The following FBXO34 variants were observed in gnomAD, a reference collection of about 807,000 sequenced individuals.
The protein encoded by FBXO34 is F-box protein 34.
Under a neutral mutation model 24.5 loss-of-function variants are expected in FBXO34, and 12 were observed. The ratio of observed to expected loss-of-function variants is 0.49; its 90% CI spans 0.31 to 0.79. The LOEUF is 0.79. Among genes scored for constraint, FBXO34 ranks in the 30% least tolerant of loss-of-function variants. The pLI is 0.04. For missense variants in FBXO34, 823 were observed against 857.7 expected (o/e 0.96, Z 0.51); for synonymous variants, 320 against 311.9 (o/e 1.03, Z -0.27).
At chr14:55,400,203 A>G in the FBXO34 span, among the ~76,000 whole-genome samples, 3 of 152,232 alleles carry the variant, frequency 2.0e-5, no homozygotes, top group East Asian at 5.8e-4. Context: ...CCACTCACAG[A>G]AGGAGATAAA....
chr14:55,427,698 G>A, the FBXO34 span, among the ~76,000 whole-genome samples: 1 of 151,974 alleles, frequency 6.6e-6, no homozygotes, highest in African/African-American at 2.4e-5. Flanking sequence ...GGATGGGAGA[G>A]CCACCAAAAC....
chr14:55,361,266 G>A (rs1884591875), intron 3 of FBXO34, among the ~76,000 whole-genome samples: 1 of 152,192 alleles, frequency 6.6e-6, no homozygotes, highest in Non-Finnish European at 1.5e-5. Flanking sequence ...ATCTCCATCA[G>A]AGCTCTTGGA....
At chr14:55,313,732 A>G (rs1431970038) in intron 1 of FBXO34, among the ~76,000 whole-genome samples, 1 of 152,162 alleles carries the variant, frequency 6.6e-6, no homozygotes, top group East Asian at 1.9e-4. Flanking sequence ...CAAAACCATC[A>G]GATCTCGTGA....
chr14:55,415,295 T>G, the FBXO34 span, among the ~76,000 whole-genome samples: 1 of 152,174 alleles, frequency 6.6e-6, no homozygotes, highest in African/African-American at 2.4e-5. Context: ...ACTGTTAGCA[T>G]GAAGAGAAAT....
chr14:55,305,266 G>C (rs1008340096), intron 1 of FBXO34, among the ~76,000 whole-genome samples: 1 of 152,108 alleles, frequency 6.6e-6, no homozygotes, highest in African/African-American at 2.4e-5. Context: ...AAAAAAGTTA[G>C]CTGGGCATGG....
chr14:55,311,429 C>A (rs773802220), intron 1 of FBXO34, among the ~76,000 whole-genome samples: 4 of 152,170 alleles, frequency 2.6e-5, no homozygotes, highest in Non-Finnish European at 4.4e-5. Context: ...AATCTCATGT[C>A]CCTTTTACAT....
downstream of FBXO34, among the ~76,000 whole-genome samples, chr14:55,355,690 A>T (rs1000515657): frequency 3.9e-5 from 6 of 152,350 alleles, no homozygotes; most frequent in African/African-American, 1.4e-4. Flanking sequence ...AGACTTGAGC[A>T]TCTGCAGATA....
chr14:55,378,779 G>A, the FBXO34 span, among the ~76,000 whole-genome samples: 1 of 152,076 alleles, frequency 6.6e-6, no homozygotes, highest in African/African-American at 2.4e-5. Flanking sequence ...GCTCACTACA[G>A]CCTGCAGCCT....
the FBXO34 span, among the ~76,000 whole-genome samples, chr14:55,430,269 T>C: frequency 2.9e-4 from 44 of 152,206 alleles, no homozygotes; most frequent in Non-Finnish European, 5.3e-4. Context: ...CAGTTTGAAC[T>C]TGTTTGCCTG....
At chr14:55,376,648 G>A in the FBXO34 span, among the ~76,000 whole-genome samples, 1 of 152,178 alleles carries the variant, frequency 6.6e-6, no homozygotes, top group Admixed American at 6.5e-5. Context: ...CCAGGCACAC[G>A]TGTTAGTGGA....
At chr14:55,325,401 G>A (rs1883306182) in intron 1 of FBXO34, among the ~76,000 whole-genome samples, 1 of 151,196 alleles carries the variant, frequency 6.6e-6, no homozygotes, top group Non-Finnish European at 1.5e-5. Context: ...ATGGTGTAGA[G>A]CTGTACATGT....
At chr14:55,402,966 T>TATAAATAA in the FBXO34 span, among the ~76,000 whole-genome samples, 5 of 59,082 alleles carry the variant, frequency 8.5e-5, no homozygotes, top group Non-Finnish European at 1.6e-4. Flanking sequence ...TATATATATA[T>TATAAATAA]ATAAATAGCT....
the FBXO34 span, among the ~76,000 whole-genome samples, chr14:55,384,736 T>C: frequency 6.6e-6 from 1 of 152,206 alleles, no homozygotes; most frequent in Non-Finnish European, 1.5e-5. Flanking sequence ...GAACGTCAGT[T>C]TCCAGGAAAA....
chr14:55,432,013 T>C, the FBXO34 span, among the ~76,000 whole-genome samples: 3 of 152,156 alleles, frequency 2.0e-5, no homozygotes, highest in Non-Finnish European at 2.9e-5. Context: ...AATATTTGTA[T>C]AATACTGTGC....
At chr14:55,409,125 C>T in the FBXO34 span, among the ~76,000 whole-genome samples, 8 of 152,118 alleles carry the variant, frequency 5.3e-5, no homozygotes, top group African/African-American at 1.9e-4. Context: ...AACTAAAACT[C>T]GGATAGATTC....
chr14:55,334,996 T>C (rs1285339044), intron 1 of FBXO34, among the ~76,000 whole-genome samples: 2 of 151,952 alleles, frequency 1.3e-5, no homozygotes, highest in Non-Finnish European at 2.9e-5. Context: ...GTCCCCAGAG[T>C]GGGATGGCTT....
chr14:55,323,225 A>ATATAT lies in FBXO34; in HGVS notation c.-10-27155_-10-27154insATATT, dbSNP rs1555337925. Among the ~76,000 whole-genome samples, 141 of 19,216 alleles carry ATATAT rather than the reference A, an allele frequency of 7.3e-3. 8 individuals are homozygous for ATATAT. The highest frequency in any genetic ancestry group is 0.041 in the Admixed American group (56 of 1,350). 12.6% of individuals were successfully genotyped at this position (19,216 alleles called of 152,430 possible). On this transcript the variant is annotated intron_variant, in intron 1 of 1. Coordinates refer to ENST00000313833, the MANE Select transcript of FBXO34 (RefSeq NM_017943.4). ...AAAAAAAAAAAAAAAAAAAATATATATTTTTTTTTTTTTTTTTTTTTTTAG... is the reference window on the plus strand; with the variant it reads ...AAAAAAAAAAAAAAAAAAAATATATATATATTTTTTTTTTTTTTTTTTTTTTTTAG...
At chr14:55,328,550 C>T (rs1293501326) in intron 1 of FBXO34, among the ~76,000 whole-genome samples, 1 of 152,188 alleles carries the variant, frequency 6.6e-6, no homozygotes, top group African/African-American at 2.4e-5. Context: ...GATTTCATCA[C>T]ACTTCTACAA....
chr14:55,406,823 C>G, the FBXO34 span, among the ~76,000 whole-genome samples: 1 of 152,264 alleles, frequency 6.6e-6, no homozygotes. Context: ...TCCCTGAACC[C>G]TAAAATTTCT....
Sources: allele counts gnomAD v4.1 joint callset (sites outside exome capture counted in the v4.1 genomes callset), GRCh38; gene constraint gnomAD v4.1.1; transcripts MANE v1.5; gene names NCBI Gene and HGNC (gene_info 2026-07-23, HGNC 2026-07-21).